Variants in ANGPTL4 observed in about 807,000 individuals in gnomAD.
ANGPTL4 encodes angiopoietin-related protein 4.
Under a neutral mutation model 39.2 loss-of-function variants are expected in ANGPTL4, and 39 were observed. The ratio of observed to expected loss-of-function variants is 1.00; its 90% confidence interval spans 0.77 to 1.30. ANGPTL4 has a LOEUF of 1.30. Ranked by LOEUF, ANGPTL4 falls within the 50% of genes most tolerant of loss-of-function variation. The pLI is 0.00. For missense variants in ANGPTL4, 545 were observed against 549.8 expected (o/e 0.99, Z 0.09); for synonymous variants, 233 against 229.5 (o/e 1.02, Z -0.14).
At chr19:8,370,889 C>T (rs1458606266) in intron 4 of ANGPTL4, among the ~76,000 whole-genome samples, 167 bp from the exon 5 acceptor site, 3 of 152,170 alleles carry the variant, frequency 2.0e-5, no homozygotes, top group East Asian at 3.9e-4. Context: ...CAAGGCCAGC[C>T]CATAATATTC....
rs1599674584 is a variant in ANGPTL4, at chr19:8,372,573, T to G, written c.1039+1051T>G. Among the ~76,000 whole-genome samples the G allele has an allele frequency of 3.5e-5, 5 of 144,642 alleles. No homozygotes were observed. The South Asian group carries it at 1.1e-3, about 32-fold the overall frequency. The allele number at this position is 144,642 out of a possible 152,430, so 94.9% of individuals were successfully genotyped here. ...CAGCACTTTGGGAGGCTGAAGCGAGTGGATCACTTGAGCCCAGGAGACCAA... is the reference window on the plus strand; with the variant it reads ...CAGCACTTTGGGAGGCTGAAGCGAGGGGATCACTTGAGCCCAGGAGACCAA... On this transcript the variant is annotated intron_variant, in intron 6 of 6. Transcript: ENST00000301455.
In ANGPTL4 at chr19:8,374,253, G is replaced by C. The variant is rs1971189257; in HGVS notation, c.*367G>C. 1 of 308,036 alleles carries C rather than the reference G, an allele frequency of 3.2e-6. No homozygotes were observed. Among genetic ancestry groups the C allele is most frequent in the Non-Finnish European group, 6.3e-6 (1 of 158,738 alleles). The allele number at this position is 308,036 out of a possible 1,614,324, so 19.1% of individuals were successfully genotyped here. A position where few individuals can be genotyped will look rare whatever the true frequency, so the allele number is the denominator to read the frequency against. Reference sequence around the variant, plus strand: ...ACGGGGACCAGGGCTTGTGTGGGTCGAGAGCGCCCTCATGGTGCTGGTGCT... The same window carrying C: ...ACGGGGACCAGGGCTTGTGTGGGTCCAGAGCGCCCTCATGGTGCTGGTGCT... On this transcript the variant is annotated 3_prime_UTR_variant, in exon 7 of 7. Coordinates refer to ENST00000301455, the MANE Select transcript of ANGPTL4 (RefSeq NM_139314.3).
chr19:8,368,409 G>C (rs1457828012), intron 3 of ANGPTL4, among the ~76,000 whole-genome samples: 5 of 152,220 alleles, frequency 3.3e-5, no homozygotes, highest in African/African-American at 1.2e-4. Flanking sequence ...GCCTCATGGA[G>C]CCTCCATTGA....
Position 8,371,548 on chromosome 19 carries a change from C to A in ANGPTL4, c.1039+26C>A. On this transcript the variant is annotated intron_variant, in intron 6 of 6. Transcript: ENST00000301455. The surrounding 1 kb of genome is among the most constrained non-coding windows in gnomAD (Gnocchi z 5.1). ...GTGAGCAGGCCCTGCCATGCCACACCCAGCCAGCAGCTTCCCTCCTTATCT... is the reference window on the plus strand; with the variant it reads ...GTGAGCAGGCCCTGCCATGCCACACACAGCCAGCAGCTTCCCTCCTTATCT... 1 of 1,612,610 alleles carries A rather than the reference C, an allele frequency of 6.2e-7. No homozygotes were observed. The highest frequency in any genetic ancestry group is 8.5e-7 in the Non-Finnish European group (1 of 1,179,988).
At chr19:8,369,455 C>CA in intron 4 of ANGPTL4, 123 bp downstream of exon 4, 1 of 324,996 alleles carries the variant, frequency 3.1e-6, no homozygotes, top group Non-Finnish European at 5.3e-6. Context: ...CCAAGCTGGT[C>CA]TTTTTTTTTT....
chr19:8,365,927 C>T lies in ANGPTL4; in HGVS notation c.319-27C>T, dbSNP rs150015993. On this transcript the variant is annotated intron_variant, in intron 1 of 6. Transcript: ENST00000301455. ...GAGGTTGGGGTAGGCAAGCTGGGTC[C>T]TCACCAAGGTTTTCACCCCTCCCCA... is the stretch of plus-strand genomic sequence containing the variant. 4.6e-5 allele frequency: 73 copies of T among 1,594,348 alleles called. No homozygotes were observed. In the African/African-American group the frequency reaches 8.0e-4, roughly 18 times the overall value.
rs76800055 is a variant in ANGPTL4 at position 8,369,171 on chromosome 19, C to A, written c.548-48C>A. 9.4e-4 allele frequency: 1,436 copies of A among 1,524,672 alleles called. 20 individuals carry two copies. In the African/African-American group the frequency reaches 0.017, roughly 18 times the overall value. The allele number at this position is 1,524,672 out of a possible 1,614,324, so 94.4% of individuals were successfully genotyped here. ...GATATGCCTGGCTCCTGAGACCCCC[C>A]CCAGGGGCTGCCCTCCTGTTTCAAG... On this transcript the variant is annotated intron_variant, in intron 3 of 6. Transcript: ENST00000301455.
chr19:8,364,743 C>G, intron 1 of ANGPTL4, 104 bp downstream of exon 1: 2 of 1,351,002 alleles, frequency 1.5e-6, no homozygotes, highest in South Asian at 2.5e-5. Context: ...AACTGTGGCT[C>G]CCTGGGCTTC....
In ANGPTL4 at chr19:8,373,688, T is replaced by G. The variant is rs563408134; in HGVS notation, c.1040-17T>G. On this transcript the variant is annotated splice_polypyrimidine_tract_variant and intron_variant, in intron 6 of 6. Transcript: ENST00000301455. ...CTCAAAGACCTGACCATGTTCCCTC[T>G]CCCCTGACCCCGGCAGGAGGCTGGT... 1.2e-5 allele frequency: 19 copies of G among 1,613,720 alleles called. No individual in the cohort carries two copies. In the East Asian group the frequency reaches 2.5e-4, roughly 21 times the overall value.
At chr19:8,366,614 C>T (rs142425932) in intron 3 of ANGPTL4, among the ~76,000 whole-genome samples, 1 of 152,212 alleles carries the variant, frequency 6.6e-6, no homozygotes, top group African/African-American at 2.4e-5. Context: ...ACTTGAGCTG[C>T]AGGGGTGCTG....
Position 8,365,985 on chromosome 19 carries a change from A to C in ANGPTL4, c.350A>C (p.Gln117Pro). 9 of 1,614,172 alleles carry C rather than the reference A, an allele frequency of 5.6e-6. No individual in the cohort carries two copies. Among genetic ancestry groups the C allele is most frequent in the Non-Finnish European group, 6.8e-6 (8 of 1,180,024 alleles). ...CTCAAGGCTCAGAACAGCAGGATCC[A>C]GCAACTCTTCCACAAGGTGGCCCAG... ...TQLKAQNSRI[Q>P]QLFHKVAQQQ... is the part of the protein sequence containing the mutation. Residue 117 changes from glutamine (Q) to proline (P), a missense_variant, in exon 2 of 7, where the codon CAG becomes CCG. Transcript: ENST00000301455.
At position 8,374,128 on chromosome 19, in the gene ANGPTL4, A is replaced by G. The variant is rs1971186584; in HGVS notation, c.*242A>G. 5.7e-6 allele frequency: 3 copies of G among 523,712 alleles called. No individual in the cohort carries two copies. The allele number at this position is 523,712 out of a possible 1,614,324, so 32.4% of individuals were successfully genotyped here. On this transcript the variant is annotated 3_prime_UTR_variant, in exon 7 of 7. Transcript: ENST00000301455. ...ACTCTAGAGGCGTGGACCAAGGGGC[A>G]TGGAGCTTCACTCCTTGCTGGCCAG...
chr19:8,369,459 T>C (rs1380484905), intron 4 of ANGPTL4, 127 bp downstream of exon 4: 2 of 435,546 alleles, frequency 4.6e-6, no homozygotes, highest in Non-Finnish European at 8.0e-6. Context: ...GCTGGTCTTT[T>C]TTTTTTTTTT....
Position 8,371,208 on chromosome 19 carries a change from C to T in ANGPTL4, c.758-33C>T, listed in dbSNP as rs763231211. The T allele has an allele frequency of 6.2e-7, 1 of 1,614,114 alleles. No homozygotes were observed. Among genetic ancestry groups the T allele is most frequent in the South Asian group, 1.1e-5 (1 of 91,082 alleles). On this transcript the variant is annotated intron_variant, in intron 5 of 6. Coordinates refer to ENST00000301455, the MANE Select transcript of ANGPTL4 (RefSeq NM_139314.3). The surrounding 1 kb of genome is among the most constrained non-coding windows in gnomAD (Gnocchi z 5.1). ...GAGGAAGAGGGACCCTCAGAAGTGG[C>T]CCTGCCTCATGGAGTGGCCTCTCCC...
intron 4 of ANGPTL4, 130 bp downstream of exon 4, chr19:8,369,462 T>G (rs2031204001): frequency 7.8e-6 from 5 of 641,464 alleles, no homozygotes; most frequent in Non-Finnish European, 1.3e-5. Context: ...GGTCTTTTTT[T>G]TTTTTTTTTT....
intron 3 of ANGPTL4, among the ~76,000 whole-genome samples, chr19:8,368,977 C>T (rs1971060312): frequency 6.6e-6 from 1 of 152,180 alleles, no homozygotes; most frequent in African/African-American, 2.4e-5. Flanking sequence ...GGTGTGGGTA[C>T]AGCATGGCAG....
rs377318488 is a variant in ANGPTL4 at position 8,369,537 on chromosome 19, T to C, written c.661+205T>C. Among the ~76,000 whole-genome samples, 14 of 133,956 alleles carry C rather than the reference T, an allele frequency of 1.0e-4. 3 individuals carry two copies. Among genetic ancestry groups the C allele is most frequent in the Admixed American group, 1.7e-4 (2 of 11,590 alleles). 87.9% of individuals were successfully genotyped at this position (133,956 alleles called of 152,430 possible). On this transcript the variant is annotated intron_variant, in intron 4 of 6. Transcript: ENST00000301455. ...GCCACGATCTCAGCTCACTGAAACC[T>C]CCGCCTCCCGGGTTCAAGCAATTCT... is the stretch of plus-strand genomic sequence containing the variant.
intron 3 of ANGPTL4, among the ~76,000 whole-genome samples, chr19:8,368,286 C>G (rs1312374185): frequency 2.6e-5 from 4 of 152,102 alleles, no homozygotes; most frequent in Admixed American, 1.3e-4. Flanking sequence ...GGATTACAGG[C>G]ATGAACCACT....
intron 2 of ANGPTL4, 27 bp from the exon 3 acceptor site, chr19:8,366,175 T>G (rs1279783225): frequency 1.2e-6 from 2 of 1,612,052 alleles, no homozygotes; most frequent in African/African-American, 2.7e-5. Flanking sequence ...AGGCAGGACC[T>G]GACACCCTCC....
Sources: allele counts gnomAD v4.1 joint callset (sites outside exome capture counted in the v4.1 genomes callset), GRCh38; gene constraint gnomAD v4.1.1; non-coding constraint Gnocchi (gnomAD v3.1); transcripts MANE v1.5; gene names NCBI Gene and HGNC (gene_info 2026-07-23, HGNC 2026-07-21).